Variants in DROSHA observed in about 807,000 individuals in gnomAD.
DROSHA encodes ribonuclease 3.
DROSHA carries 56 observed loss-of-function variants against 181.9 expected under a neutral mutation model. The ratio of observed to expected loss-of-function variants is 0.31; its 90% CI spans 0.25 to 0.38. DROSHA has a LOEUF of 0.38. DROSHA is among the 10% of genes least tolerant of loss of function. The pLI, the probability that DROSHA is intolerant of heterozygous loss-of-function variation, is 1.00. For synonymous variants in DROSHA, 524 were observed against 591.2 expected (o/e 0.89, Z 1.65); for missense variants, 1,218 against 1,743.5 (o/e 0.70, Z 5.37).
intron 11 of DROSHA, among the ~76,000 whole-genome samples, chr5:31,495,587 G>A (rs1215802946): frequency 1.3e-5 from 2 of 152,302 alleles, no homozygotes; most frequent in East Asian, 3.9e-4. Flanking sequence ...TCAGGTGCTG[G>A]TGAAGCAAGG....
chr5:31,513,348 CTTA>C (rs1279991867), intron 8 of DROSHA, among the ~76,000 whole-genome samples: 1 of 152,164 alleles, frequency 6.6e-6, no homozygotes, highest in African/African-American at 2.4e-5. Context: ...CTCCAGGTAC[CTTA>C]TTATGAGAAG....
Position 31,521,114 on chromosome 5 carries a change from C to A in DROSHA, c.947+9G>T. 1 of 1,613,332 alleles carries A rather than the reference C, an allele frequency of 6.2e-7. No homozygotes were observed. Among genetic ancestry groups the A allele is most frequent in the South Asian group, 1.1e-5 (1 of 91,044 alleles). ...CTATGACTTCTTTCAGTGTCAACTC[C>A]TTGCTTACCTTCCAGATCTCTTATA... On this transcript the variant is annotated intron_variant, in intron 6 of 35. Transcript: ENST00000344624.
In DROSHA at chr5:31,487,929, T is replaced by C. The variant is rs1199425167; in HGVS notation, c.1843-1367A>G. Among the ~76,000 whole-genome samples the C allele has an allele frequency of 2.0e-5, 3 of 152,318 alleles. No homozygotes were observed. In the East Asian group the frequency reaches 5.8e-4, roughly 29 times the overall value. On this transcript the variant is annotated intron_variant, in intron 13 of 35. Coordinates refer to ENST00000344624, the MANE Select transcript of DROSHA (RefSeq NM_001382508.1). The stretch of plus-strand genomic sequence containing the variant: ...ATTCTTTGCTAACAACTATATTAGG[T>C]TCATAGGTACTCTAAAATAAGCTAC...
At chr5:31,507,427 A>G (rs1561270553) in intron 10 of DROSHA, among the ~76,000 whole-genome samples, 2 of 148,590 alleles carry the variant, frequency 1.3e-5, no homozygotes, top group Non-Finnish European at 1.5e-5. Context: ...CATTGCACTC[A>G]AGCCTAGGCA....
At chr5:31,531,004 C>T in intron 2 of DROSHA, 80 bp from the exon 3 acceptor site, 1 of 393,888 alleles carries the variant, frequency 2.5e-6, no homozygotes, top group Non-Finnish European at 4.5e-6. Flanking sequence ...CATTTCCCTT[C>T]CATGTACCTC....
intron 23 of DROSHA, among the ~76,000 whole-genome samples, chr5:31,447,095 A>G (rs983903400): frequency 1.3e-5 from 2 of 152,164 alleles, no homozygotes; most frequent in Non-Finnish European, 2.9e-5. Flanking sequence ...CATAAAAGCG[A>G]ATGAGATCAT....
intron 21 of DROSHA, among the ~76,000 whole-genome samples, chr5:31,449,689 T>C (rs1561179976): frequency 2.6e-5 from 4 of 152,150 alleles, no homozygotes; most frequent in Admixed American, 1.3e-4. Context: ...ATCATGCCAC[T>C]GCACTCTAGC....
At chr5:31,530,727 C>A (rs1233870410) in intron 3 of DROSHA, 71 bp downstream of exon 3, 1 of 396,728 alleles carries the variant, frequency 2.5e-6, no homozygotes, top group Admixed American at 4.4e-5. Flanking sequence ...CTATGAAGCC[C>A]TTCCTGATTC....
At chr5:31,459,344 T>C (rs1748084611) in intron 20 of DROSHA, among the ~76,000 whole-genome samples, 1 of 148,680 alleles carries the variant, frequency 6.7e-6, no homozygotes, top group Non-Finnish European at 1.5e-5. Context: ...AAGGCCAGAG[T>C]GCACTATTAT....
chr5:31,509,293 G>A (rs995484503), intron 9 of DROSHA, among the ~76,000 whole-genome samples: 30 of 149,872 alleles, frequency 2.0e-4, no homozygotes, highest in Middle Eastern at 6.8e-3. Context: ...TCTAGTTGGG[G>A]AAGCAAAGAA....
intron 13 of DROSHA, among the ~76,000 whole-genome samples, chr5:31,490,696 T>G (rs1301114333): frequency 6.6e-6 from 1 of 152,226 alleles, no homozygotes; most frequent in Admixed American, 6.5e-5. Context: ...CTTACTGACA[T>G]TCTCTCTCTA....
chr5:31,405,851 A>C, intron 34 of DROSHA, 128 bp from the exon 35 acceptor site: 2 of 787,610 alleles, frequency 2.5e-6, no homozygotes, highest in South Asian at 3.9e-5. Flanking sequence ...CAGTGCATAA[A>C]ATCTCCTCTG....
At chr5:31,475,975 A>G (rs1750315382) in intron 16 of DROSHA, among the ~76,000 whole-genome samples, 1 of 152,234 alleles carries the variant, frequency 6.6e-6, no homozygotes, top group Non-Finnish European at 1.5e-5. Context: ...GGAATACTTA[A>G]GACTACAAAC....
chr5:31,527,438 C>G (rs1221256462), intron 4 of DROSHA: 1 of 155,846 alleles, frequency 6.4e-6, no homozygotes, highest in Non-Finnish European at 1.4e-5. Context: ...TCCAGGTCTC[C>G]CTTGACTTTG....
chr5:31,486,047 C>T (rs577803264), intron 14 of DROSHA, among the ~76,000 whole-genome samples: 2 of 152,124 alleles, frequency 1.3e-5, no homozygotes, highest in South Asian at 2.1e-4. Flanking sequence ...GTTGAGCACT[C>T]GCAATGAAAA....
intron 20 of DROSHA, among the ~76,000 whole-genome samples, chr5:31,455,847 G>A (rs1747592001): frequency 6.6e-6 from 1 of 152,024 alleles, no homozygotes; most frequent in Non-Finnish European, 1.5e-5. Flanking sequence ...TCGCCATGTT[G>A]CCCAGGCTGG....
intron 11 of DROSHA, among the ~76,000 whole-genome samples, chr5:31,502,772 C>T (rs768003269): frequency 2.0e-5 from 3 of 152,202 alleles, no homozygotes; most frequent in Non-Finnish European, 4.4e-5. Flanking sequence ...AGTGGCTGAA[C>T]CGAAAACAGA....
chr5:31,488,198 A>G (rs942994028), intron 13 of DROSHA, among the ~76,000 whole-genome samples: 2 of 151,340 alleles, frequency 1.3e-5, no homozygotes, highest in Admixed American at 6.6e-5. Context: ...GCGTGGATCA[A>G]CTGAGTTCAG....
At position 31,508,680 on chromosome 5, in the gene DROSHA, G is replaced by A. The variant is rs370207689; in HGVS notation, c.1528C>T (p.Arg510Cys). 15 of 1,613,748 alleles carry A rather than the reference G, an allele frequency of 9.3e-6. No homozygotes were observed. The highest frequency in any genetic ancestry group is 1.7e-5 in the Admixed American group (1 of 60,002). Residue 510 changes from arginine to cysteine, a missense_variant, in exon 10 of 36, where the codon CGC (arginine) becomes TGC (cysteine). By Grantham distance (180) the Arg-to-Cys change is radical. This residue lies in a region of DROSHA where 460 missense variants were observed against 774.2 expected (regional missense o/e 0.59). Coordinates refer to ENST00000344624, the MANE Select transcript of DROSHA (RefSeq NM_001382508.1). ...EVFDVIAEIK[R>C]KKAHPDRLHD... ...AGTCGGTCAGGGTGGGCCTTTTTGC[G>A]TTTGATTTCTGCAATAACGTCAAAA...
Sources: gnomAD v4.1 joint callset for allele counts (sites outside exome capture counted in the v4.1 genomes callset) on GRCh38, gnomAD v4.1.1 for gene constraint, gnomAD v4.1.1 regional missense constraint, MANE v1.5 for transcripts, NCBI Gene and HGNC (gene_info 2026-07-23, HGNC 2026-07-21) for gene names.